The following NTNG2 variants were observed in gnomAD, a reference collection of about 807,000 sequenced individuals.
NTNG2 encodes netrin G2.
NTNG2 carries 15 observed loss-of-function variants against 47.6 expected under a neutral mutation model. The observed-to-expected ratio is 0.32, with a 90% CI of 0.21 to 0.49. The LOEUF is 0.49. NTNG2 is among the 20% of genes least tolerant of loss of function. NTNG2 has a pLI of 0.99. For synonymous variants in NTNG2, 307 were observed against 324.6 expected, an observed-to-expected ratio of 0.95 and a Z score of 0.58; for missense variants, 578 against 764.6, an observed-to-expected ratio of 0.76 and a Z score of 2.88.
chr9:132,198,475 G>A lies in NTNG2; in HGVS notation c.723G>A (p.Lys241=). Residue 241 remains lysine, a synonymous_variant, in exon 3 of 8, where the codon AAG becomes AAA. Transcript: ENST00000393229. ...TCTACACGCGGCTGGAGAGCGCCAA[G>A]GGCCTCAAGGAGTTCTTCACCCTCA... The part of the protein sequence containing the change: ...DNLYTRLESA[K]GLKEFFTLTD... The A allele has an allele frequency of 1.2e-6, 2 of 1,610,478 alleles. No individual in the cohort carries two copies. Among genetic ancestry groups the A allele is most frequent in the Non-Finnish European group, 1.7e-6 (2 of 1,177,974 alleles).
chr9:132,211,598 GC>G (rs1381949551), intron 3 of NTNG2, among the ~76,000 whole-genome samples: 1 of 152,066 alleles, frequency 6.6e-6, no homozygotes, highest in East Asian at 1.9e-4. Context: ...TAGTCCTTCT[GC>G]CTGGAACATG....
chr9:132,164,642 A>G (rs1835368865), intron 1 of NTNG2, among the ~76,000 whole-genome samples: 2 of 152,246 alleles, frequency 1.3e-5, no homozygotes, highest in South Asian at 2.1e-4. Flanking sequence ...GACACCGGGC[A>G]CGTTCTGTCT....
intron 2 of NTNG2, among the ~76,000 whole-genome samples, chr9:132,174,213 T>TGGAC (rs139309074): frequency 2.2e-4 from 28 of 125,216 alleles, no homozygotes; most frequent in Admixed American, 4.0e-4. Context: ...GACGGACAGA[T>TGGAC]GGACGGACGG....
chr9:132,241,144 G>A, intron 7 of NTNG2, 100 bp downstream of exon 7: 1 of 1,381,092 alleles, frequency 7.2e-7, no homozygotes, highest in Non-Finnish European at 9.5e-7. Context: ...AGGGGCGGTG[G>A]ACTGGGCCTA....
At chr9:132,232,306 CA>C (rs1841295397) in intron 5 of NTNG2, 1 of 152,578 alleles carries the variant, frequency 6.6e-6, no homozygotes, top group South Asian at 2.1e-4. Context: ...GCCCAGAAAG[CA>C]AATGTCTCTG....
At chr9:132,227,110 C>T in intron 4 of NTNG2, 89 bp downstream of exon 4, 1 of 1,345,452 alleles carries the variant, frequency 7.4e-7, no homozygotes, top group South Asian at 1.4e-5. Context: ...TACACACGCA[C>T]ACAAACCTGC....
At position 132,182,259 on chromosome 9, in the gene NTNG2, A is replaced by G. The variant is rs1024743637; in HGVS notation, c.213+15215A>G. 4.3e-4 allele frequency among the ~76,000 whole-genome samples: 65 copies of G among 152,236 alleles called. No individual in the cohort carries two copies. The highest frequency in any genetic ancestry group is 1.4e-3 in the African/African-American group (60 of 41,536). On this transcript the variant is annotated intron_variant, in intron 2 of 7. Coordinates refer to ENST00000393229, the MANE Select transcript of NTNG2 (RefSeq NM_032536.4). This position sits in a 1 kb window ranked among gnomAD's most constrained non-coding sequence, Gnocchi z 4.2. ...TTTCTGGGGAAGGAGTGGGGGAAAA[A>G]ATTGCACCCAACAATGGACAATAAT...
Position 132,241,895 on chromosome 9 carries a change from C to T in NTNG2, c.1377C>T (p.Asp459=). 1.3e-6 allele frequency: 2 copies of T among 1,577,184 alleles called. No individual in the cohort carries two copies. Among genetic ancestry groups the T allele is most frequent in the Non-Finnish European group, 1.7e-6 (2 of 1,168,052 alleles). ...CTGCAGCCAACGTGTGCGACGACGA[C>T]CAGCTGCTGTGCCAGAACGGAGGCA... The part of the protein sequence containing the change: ...QGCYPNVCDD[D]QLLCQNGGTC... Residue 459 remains aspartate (D), a synonymous_variant, in exon 8 of 8, where the codon GAC becomes GAT. Coordinates refer to ENST00000393229, the MANE Select transcript of NTNG2 (RefSeq NM_032536.4).
In NTNG2 at chr9:132,162,535, A is replaced by T. The variant is rs74311540; in HGVS notation, c.-484+296A>T. Among the ~76,000 whole-genome samples, 2,632 of 78,232 alleles carry T rather than the reference A, an allele frequency of 0.034. 86 individuals carry two copies. The highest frequency in any genetic ancestry group is 0.13 in the African/African-American group (2,180 of 17,172). 51.3% of individuals were successfully genotyped at this position (78,232 alleles called of 152,430 possible). On this transcript the variant is annotated intron_variant, in intron 1 of 7. Transcript: ENST00000393229. This position sits in a 1 kb window ranked among gnomAD's most constrained non-coding sequence, Gnocchi z 4.6. ...GGGTCCTTTCCGTCGTGTGTGTGAG[A>T]GTGTGTGTGTGTGTGTGTGTGAGAG... is the stretch of plus-strand genomic sequence containing the variant.
chr9:132,193,233 T>G (rs1025431207), intron 2 of NTNG2, among the ~76,000 whole-genome samples: 16 of 152,226 alleles, frequency 1.1e-4, no homozygotes, highest in African/African-American at 3.6e-4. Flanking sequence ...TATGTCAATA[T>G]CACTGTCATT....
In NTNG2 at chr9:132,228,103, T is replaced by C. The variant is rs1157587335; in HGVS notation, c.1030+1082T>C. Reference sequence around the variant, plus strand: ...GTGAGTTGCATGCCAACGCCAGGGCTTAGGGCAGCTACTGGATCTGATGCT... The same window carrying C: ...GTGAGTTGCATGCCAACGCCAGGGCCTAGGGCAGCTACTGGATCTGATGCT... On this transcript the variant is annotated intron_variant, in intron 4 of 7. Coordinates refer to ENST00000393229, the MANE Select transcript of NTNG2 (RefSeq NM_032536.4). 9.9e-5 allele frequency among the ~76,000 whole-genome samples: 15 copies of C among 152,226 alleles called. No homozygotes were observed. In the East Asian group the frequency reaches 2.9e-3, roughly 29 times the overall value.
At chr9:132,212,458 A>G (rs767233239) in intron 3 of NTNG2, among the ~76,000 whole-genome samples, 12 of 152,220 alleles carry the variant, frequency 7.9e-5, no homozygotes, top group Non-Finnish European at 1.6e-4. Context: ...TTCGCACAGA[A>G]GCCCAAATTT....
intron 2 of NTNG2, among the ~76,000 whole-genome samples, chr9:132,179,325 G>A (rs780959655): frequency 3.3e-5 from 5 of 152,218 alleles, no homozygotes; most frequent in Non-Finnish European, 7.3e-5. Flanking sequence ...CTGCTTAGGT[G>A]AGCTCCCGCC....
intron 7 of NTNG2, 138 bp from the exon 8 acceptor site, chr9:132,241,738 A>G (rs1005857587): frequency 4.9e-6 from 3 of 606,360 alleles, no homozygotes; most frequent in Non-Finnish European, 8.2e-6. Context: ...GACGTTTCGC[A>G]CCCAGCGCGC....
chr9:132,233,667 C>T (rs573985543), intron 5 of NTNG2: 2 of 152,298 alleles, frequency 1.3e-5, no homozygotes, highest in African/African-American at 4.8e-5. Flanking sequence ...ACTGAAGCCC[C>T]TGTCCAGAGC....
intron 2 of NTNG2, among the ~76,000 whole-genome samples, chr9:132,174,297 C>T (rs1346378040): frequency 7.3e-6 from 1 of 136,138 alleles, no homozygotes; most frequent in African/African-American, 3.3e-5. Context: ...CAGGCCGCAC[C>T]ATGCTGCGGA....
rs568731996 is a variant in NTNG2 at position 132,215,082 on chromosome 9, G to T, written c.858-11767G>T. The stretch of plus-strand genomic sequence containing the variant: ...TTTAATTTTTTTGTAGAGATTGGGG[G>T]GGGGGGTCTCACTTTCTTGCCCAGG... On this transcript the variant is annotated intron_variant, in intron 3 of 7. Coordinates refer to ENST00000393229, the MANE Select transcript of NTNG2 (RefSeq NM_032536.4). The surrounding 1 kb of genome is among the most constrained non-coding windows in gnomAD (Gnocchi z 4.2). Among the ~76,000 whole-genome samples the T allele has an allele frequency of 4.5e-4, 67 of 150,012 alleles. No individual in the cohort carries two copies. The East Asian group carries it at 0.011, about 26-fold the overall frequency.
At chr9:132,237,476 G>T (rs1411068244) in intron 5 of NTNG2, among the ~76,000 whole-genome samples, 1 of 152,214 alleles carries the variant, frequency 6.6e-6, no homozygotes, top group Non-Finnish European at 1.5e-5. Flanking sequence ...AACTTTTCCA[G>T]CTCAAGCCCA....
In NTNG2 at chr9:132,242,079, C is replaced by G; in HGVS notation, c.1561C>G (p.Leu521Val). 3 of 1,192,930 alleles carry G rather than the reference C, an allele frequency of 2.5e-6. No individual in the cohort carries two copies. The South Asian group carries it at 1.2e-4, about 47-fold the overall frequency. 73.9% of individuals were successfully genotyped at this position (1,192,930 alleles called of 1,614,324 possible). A position where few individuals can be genotyped will look rare whatever the true frequency, so the allele number is the denominator to read the frequency against. Residue 521 changes from leucine (L) to valine (V), a missense_variant, in exon 8 of 8, where the codon CTG (leucine) becomes GTG (valine). By Grantham distance (32) the Leu-to-Val change is conservative. Coordinates refer to ENST00000393229, the MANE Select transcript of NTNG2 (RefSeq NM_032536.4). The surrounding 1 kb of genome is among the most constrained non-coding windows in gnomAD (Gnocchi z 5.9). ...CGCCACCCTGCTCGGCTGCCTGCTG[C>G]TGCTGGGGCTGGCCGCCCGCCTGGG... ...RPATLLGCLL[L>V]LGLAARLGR
Sources: allele counts gnomAD v4.1 joint callset (sites outside exome capture counted in the v4.1 genomes callset), GRCh38; gene constraint gnomAD v4.1.1; non-coding constraint Gnocchi (gnomAD v3.1); transcripts MANE v1.5; gene names NCBI Gene and HGNC (gene_info 2026-07-23, HGNC 2026-07-21).